BCAS1: variants seen among roughly 807,000 people sequenced by gnomAD.
BCAS1 encodes the protein breast carcinoma-amplified sequence 1.
BCAS1 carries 46 observed loss-of-function variants against 65.4 expected under a neutral mutation model. The observed-to-expected ratio is 0.70, with a 90% confidence interval of 0.55 to 0.90. The LOEUF (loss-of-function observed/expected upper bound fraction) is 0.90. BCAS1 is among the 40% of genes least tolerant of loss of function. The probability of loss-of-function intolerance (pLI) is 0.00; values close to 1 mark genes in which losing one functional copy is unlikely to be tolerated. For synonymous variants in BCAS1, 298 were observed against 293.5 expected (o/e 1.02, Z -0.16); for missense variants, 793 against 771.2 (o/e 1.03, Z -0.33).
intron 4 of BCAS1, among the ~76,000 whole-genome samples, chr20:54,021,163 G>C (rs907327886): frequency 4.6e-5 from 7 of 152,024 alleles, no homozygotes; most frequent in Non-Finnish European, 8.8e-5. Flanking sequence ...TTTGCACCTT[G>C]ACACAGACAC....
At chr20:54,000,228 G>T (rs1158816537) in intron 4 of BCAS1, among the ~76,000 whole-genome samples, 1 of 152,174 alleles carries the variant, frequency 6.6e-6, no homozygotes, top group Non-Finnish European at 1.5e-5. Flanking sequence ...CGAGTAGCGG[G>T]TTAGTGATTT....
chr20:54,054,525 A>G (rs1302122310), intron 3 of BCAS1, among the ~76,000 whole-genome samples: 4 of 152,230 alleles, frequency 2.6e-5, no homozygotes, highest in African/African-American at 9.7e-5. Context: ...TAACTTAGCT[A>G]ATAACCTTAG....
chr20:54,048,055 C>T (rs2092143409), intron 3 of BCAS1, among the ~76,000 whole-genome samples: 1 of 152,294 alleles, frequency 6.6e-6, no homozygotes, highest in South Asian at 2.1e-4. Context: ...AAGTCCTTAG[C>T]TTCCCCGCCT....
intron 3 of BCAS1, among the ~76,000 whole-genome samples, chr20:54,045,415 T>C (rs1383489801): frequency 2.6e-5 from 4 of 152,062 alleles, no homozygotes; most frequent in Non-Finnish European, 4.4e-5. Flanking sequence ...TGGGGAAGAT[T>C]ATTACAATTA....
At chr20:54,063,740 G>A (rs1355689928) in intron 1 of BCAS1, among the ~76,000 whole-genome samples, 5 of 152,142 alleles carry the variant, frequency 3.3e-5, no homozygotes, top group African/African-American at 1.2e-4. Context: ...TAATAGATGG[G>A]AAAACTGAGG....
chr20:54,016,745 C>T (rs1472146284), intron 4 of BCAS1, among the ~76,000 whole-genome samples: 1 of 152,188 alleles, frequency 6.6e-6, no homozygotes. Flanking sequence ...CCTCTGGCAT[C>T]TTTTCTGAGA....
chr20:53,945,367 G>A (rs1271908578), intron 12 of BCAS1, among the ~76,000 whole-genome samples: 1 of 151,552 alleles, frequency 6.6e-6, no homozygotes, highest in Non-Finnish European at 1.5e-5. Flanking sequence ...TCCCTCCCCA[G>A]TTACCATCTA....
intron 3 of BCAS1, among the ~76,000 whole-genome samples, chr20:54,057,071 A>G (rs1307502456): frequency 6.6e-6 from 1 of 152,196 alleles, no homozygotes; most frequent in African/African-American, 2.4e-5. Context: ...CTCTTCTTAC[A>G]TAATTTATAT....
At chr20:54,059,373 T>A (rs1047066486) in intron 1 of BCAS1, among the ~76,000 whole-genome samples, 5 of 151,898 alleles carry the variant, frequency 3.3e-5, no homozygotes, top group Non-Finnish European at 5.9e-5. Flanking sequence ...CATTTTTTTC[T>A]CTTTTAGTTA....
chr20:53,980,782 C>G (rs1324313225), intron 8 of BCAS1, among the ~76,000 whole-genome samples: 1 of 152,182 alleles, frequency 6.6e-6, no homozygotes, highest in Admixed American at 6.5e-5. Context: ...CATGCTCATA[C>G]ATAAAGACAA....
In BCAS1 at chr20:53,957,584, C is replaced by A. The variant is rs113245712; in HGVS notation, c.1486-87G>T. ...AAGTTCTGAAATGGATGATCTCAGT[C>A]ATTTATCATTGAGGTTTGGGGTCAA... On this transcript the variant is annotated intron_variant, in intron 10 of 12. Transcript: ENST00000688948. 8.9e-3 allele frequency: 11,116 copies of A among 1,254,158 alleles called. 167 individuals are homozygous for A. The highest frequency in any genetic ancestry group is 0.044 in the South Asian group (3,619 of 83,162). The allele number at this position is 1,254,158 out of a possible 1,614,324, so 77.7% of individuals were successfully genotyped here.
At chr20:53,971,479 C>G (rs2090178236) in intron 9 of BCAS1, among the ~76,000 whole-genome samples, 1 of 152,230 alleles carries the variant, frequency 6.6e-6, no homozygotes, top group Non-Finnish European at 1.5e-5. Flanking sequence ...GCAACACAAC[C>G]TGGCAAAAGC....
intron 3 of BCAS1, among the ~76,000 whole-genome samples, chr20:54,050,068 A>G (rs1231311032): frequency 6.6e-6 from 1 of 152,226 alleles, no homozygotes; most frequent in East Asian, 1.9e-4. Context: ...TCTGGTATCC[A>G]GAGGTCACCT....
intron 11 of BCAS1, 73 bp downstream of exon 11, chr20:53,957,359 T>C (rs2089730825): frequency 7.2e-7 from 1 of 1,385,986 alleles, no homozygotes; most frequent in Non-Finnish European, 1.0e-6. Flanking sequence ...GAGAATTTTA[T>C]TGAAAAGTAT....
In BCAS1 at chr20:53,954,070, G is replaced by A. The variant is rs1331758903; in HGVS notation, c.1552-375C>T. On this transcript the variant is annotated intron_variant, in intron 11 of 12. Transcript: ENST00000688948. ...TGTGACTTAGGCCTGACTAATCAGA[G>A]CATTGTATATGATTGGCCAGCTGTG... is the stretch of plus-strand genomic sequence containing the variant. Among the ~76,000 whole-genome samples the A allele has an allele frequency of 2.0e-5, 3 of 152,136 alleles. No homozygotes were observed. In the East Asian group the frequency reaches 5.8e-4, roughly 29 times the overall value.
intron 3 of BCAS1, among the ~76,000 whole-genome samples, chr20:54,057,714 A>G (rs556719945): frequency 6.6e-6 from 1 of 152,332 alleles, no homozygotes; most frequent in Admixed American, 6.5e-5. Context: ...ATCCAACATG[A>G]CTGCTTCCAT....
intron 3 of BCAS1, among the ~76,000 whole-genome samples, chr20:54,043,934 T>C (rs1263225005): frequency 1.3e-5 from 2 of 152,264 alleles, no homozygotes; most frequent in African/African-American, 4.8e-5. Flanking sequence ...TTGCATATAA[T>C]GGATCCTACC....
At chr20:53,994,656 A>G (rs902088201) in intron 6 of BCAS1, among the ~76,000 whole-genome samples, 1 of 152,110 alleles carries the variant, frequency 6.6e-6, no homozygotes, top group Admixed American at 6.6e-5. Context: ...GTTTTTTACT[A>G]TATTCCCTGG....
intron 3 of BCAS1, among the ~76,000 whole-genome samples, chr20:54,051,712 T>TG (rs2092215445): frequency 1.5e-5 from 2 of 135,954 alleles, no homozygotes; most frequent in African/African-American, 6.0e-5. Flanking sequence ...TTGACTATGC[T>TG]GGTTTTTTTT....
Sources: gnomAD v4.1 joint callset for allele counts (sites outside exome capture counted in the v4.1 genomes callset) on GRCh38, gnomAD v4.1.1 for gene constraint, MANE v1.5 for transcripts, NCBI Gene and HGNC (gene_info 2026-07-23, HGNC 2026-07-21) for gene names.